CEP126: variants seen among roughly 807,000 people sequenced by gnomAD.
CEP126 encodes the protein centrosomal protein 126, also known as centrosomal protein of 126 kDa.
In CEP126, 74 loss-of-function variants were observed where a neutral mutation model predicts 107.8. The ratio of observed to expected loss-of-function variants is 0.69; its 90% CI spans 0.57 to 0.83. The LOEUF (loss-of-function observed/expected upper bound fraction) is 0.83. Ranked by LOEUF, CEP126 falls within the 40% of genes least tolerant of loss-of-function variation. CEP126 has a pLI of 0.00. For missense variants in CEP126, 1,237 were observed against 1,281.9 expected (o/e 0.96, Z 0.53); for synonymous variants, 449 against 446.0 (o/e 1.01, Z -0.08).
intron 2 of CEP126, among the ~76,000 whole-genome samples, chr11:101,937,901 C>T (rs775230382): frequency 2.6e-5 from 4 of 151,676 alleles, no homozygotes; most frequent in Admixed American, 6.6e-5. Flanking sequence ...CGCCTGTAAT[C>T]CCAGCACTTT....
intron 10 of CEP126, among the ~76,000 whole-genome samples, chr11:101,996,569 A>G (rs1479711147): frequency 6.6e-6 from 1 of 152,210 alleles, no homozygotes; most frequent in Non-Finnish European, 1.5e-5. Context: ...TGATAGAGGA[A>G]ACATAAAAAT....
In CEP126 at chr11:101,962,618, C is replaced by T; in HGVS notation, c.1583C>T (p.Pro528Leu). The stretch of plus-strand genomic sequence containing the variant: ...GACAGTTTTCAAGATGCCTATATAC[C>T]TCACAATCCTGATTCAAAAGATGAA... ...FSDSFQDAYI[P>L]HNPDSKDEKQ... Residue 528 changes from proline to leucine, a missense_variant, in exon 6 of 11, where the codon CCT becomes CTT. Around this residue, in one of 3 missense-constraint regions of CEP126, gnomAD observed 1,134 missense variants for 1,150.5 expected, o/e 0.99. Transcript: ENST00000263468. The T allele has an allele frequency of 6.2e-7, 1 of 1,613,294 alleles. No individual in the cohort carries two copies. Among genetic ancestry groups the T allele is most frequent in the South Asian group, 1.1e-5 (1 of 90,858 alleles).
Position 101,958,236 on chromosome 11 carries a change from C to A in CEP126, c.575C>A (p.Ser192Tyr). 6.2e-7 allele frequency: 1 copy of A among 1,613,918 alleles called. No homozygotes were observed. Among genetic ancestry groups the A allele is most frequent in the Non-Finnish European group, 8.5e-7 (1 of 1,179,916 alleles). The change falls in exon 5 of 11, where the codon TCC becomes TAC. Residue 192 changes from serine to tyrosine, a missense_variant. Transcript: ENST00000263468. ...NDHKHQKQLL[S>Y]KINCEKEMNE... ...CACAAGCATCAGAAACAACTCTTATCCAAAATCAATTGTGAGAAAGAAATG... is the reference window on the plus strand; with the variant it reads ...CACAAGCATCAGAAACAACTCTTATACAAAATCAATTGTGAGAAAGAAATG...
At chr11:101,942,553 G>A (rs114378112) in intron 2 of CEP126, among the ~76,000 whole-genome samples, 96 of 124,086 alleles carry the variant, frequency 7.7e-4, no homozygotes, top group African/African-American at 2.3e-3. Context: ...GAAACATTCC[G>A]TTTGGGGTGG....
intron 2 of CEP126, among the ~76,000 whole-genome samples, chr11:101,938,741 T>C (rs889455529): frequency 6.6e-6 from 1 of 152,146 alleles, no homozygotes; most frequent in African/African-American, 2.4e-5. Flanking sequence ...TTTAACTGCA[T>C]TTAACAAATT....
intron 6 of CEP126, among the ~76,000 whole-genome samples, chr11:101,977,646 A>AAAAAG (rs1565366927): frequency 2.7e-5 from 4 of 150,928 alleles, no homozygotes; most frequent in East Asian, 1.9e-4. Context: ...AAAAAAAAAA[A>AAAAAG]AAAAGAAAAG....
chr11:101,983,554 A>C (rs1230132400), intron 8 of CEP126, among the ~76,000 whole-genome samples: 1 of 152,212 alleles, frequency 6.6e-6, no homozygotes, highest in East Asian at 1.9e-4. Context: ...TGGTTATAGA[A>C]ATTTAAGACA....
intron 2 of CEP126, among the ~76,000 whole-genome samples, chr11:101,929,972 G>A (rs1019774616): frequency 2.7e-4 from 35 of 127,756 alleles, no homozygotes; most frequent in South Asian, 5.9e-4. Context: ...CTTTAGTTAG[G>A]ACTTTTTTTT....
At chr11:101,927,606 A>G (rs537934381) in intron 2 of CEP126, among the ~76,000 whole-genome samples, 73 of 152,216 alleles carry the variant, frequency 4.8e-4, no homozygotes, top group African/African-American at 1.5e-3. Context: ...GATGTTCTCC[A>G]TTTCTACAGT....
rs1941462128 is a variant in CEP126, at chr11:101,997,963, C to T, written c.*320C>T. The T allele has an allele frequency of 4.0e-6, 1 of 247,360 alleles. No individual in the cohort carries two copies. The allele number at this position is 247,360 out of a possible 1,614,324, so 15.3% of individuals were successfully genotyped here. On this transcript the variant is annotated 3_prime_UTR_variant, in exon 11 of 11. Transcript: ENST00000263468. ...AACAAACGTTTTTCCAAAGAATTCACAGTGCTCCTTTGCAATTTATAGATT... is the reference window on the plus strand; with the variant it reads ...AACAAACGTTTTTCCAAAGAATTCATAGTGCTCCTTTGCAATTTATAGATT...
At position 101,962,023 on chromosome 11, in the gene CEP126, A is replaced by G. The variant is rs140703112; in HGVS notation, c.988A>G (p.Ile330Val). The G allele has an allele frequency of 5.6e-6, 9 of 1,613,092 alleles. No individual in the cohort carries two copies. In the African/African-American group the frequency reaches 8.0e-5, roughly 14 times the overall value. Residue 330 changes from isoleucine to valine, a missense_variant, in exon 6 of 11, where the codon ATT becomes GTT. Ile to Val is a conservative substitution (Grantham distance 29). Coordinates refer to ENST00000263468, the MANE Select transcript of CEP126 (RefSeq NM_020802.4). ...TCAGAATGTCACAGCTTTCTCAGAT[A>G]TTTTAAGTAAATCTAATGTTCTGCC... ...NTQNVTAFSD[I>V]LSKSNVLPSW...
At chr11:101,968,181 G>C (rs1286463695) in intron 6 of CEP126, among the ~76,000 whole-genome samples, 1 of 152,066 alleles carries the variant, frequency 6.6e-6, no homozygotes, top group Non-Finnish European at 1.5e-5. Context: ...ATTAGACTTA[G>C]AGCAATGATC....
rs1713693047 is a variant in CEP126 at position 101,999,542 on chromosome 11, T to A, written c.*1899T>A. On this transcript the variant is annotated 3_prime_UTR_variant, in exon 11 of 11. Transcript: ENST00000263468. ...GTAAGCTGGTGAAACAAGATAAGAT[T>A]TGCATTTTACTAGAACTTGCACATT... is the stretch of plus-strand genomic sequence containing the variant. 6.6e-6 allele frequency: 1 copy of A among 151,386 alleles called. No homozygotes were observed. Among genetic ancestry groups the A allele is most frequent in the Non-Finnish European group, 1.5e-5 (1 of 67,944 alleles). The allele number at this position is 151,386 out of a possible 1,614,324, so 9.4% of individuals were successfully genotyped here.
intron 2 of CEP126, among the ~76,000 whole-genome samples, chr11:101,937,844 A>G (rs903195858): frequency 6.6e-6 from 1 of 152,068 alleles, no homozygotes; most frequent in Admixed American, 6.6e-5. Flanking sequence ...TTTGGAAAGT[A>G]GTTTCTTTTA....
At chr11:101,976,760 A>G (rs1244970216) in intron 6 of CEP126, among the ~76,000 whole-genome samples, 2 of 152,192 alleles carry the variant, frequency 1.3e-5, no homozygotes, top group African/African-American at 4.8e-5. Flanking sequence ...TTTTTTAAGC[A>G]GGCTCAGAAG....
chr11:101,947,095 A>G (rs1472552675), intron 3 of CEP126, among the ~76,000 whole-genome samples: 3 of 152,160 alleles, frequency 2.0e-5, no homozygotes, highest in Non-Finnish European at 4.4e-5. Flanking sequence ...CCCTTACATA[A>G]TAACATCCTA....
intron 10 of CEP126, among the ~76,000 whole-genome samples, chr11:101,993,648 TA>T (rs1941410800): frequency 6.6e-6 from 1 of 152,236 alleles, no homozygotes; most frequent in Non-Finnish European, 1.5e-5. Context: ...CCACAATGAC[TA>T]AATTAATTTG....
intron 4 of CEP126, among the ~76,000 whole-genome samples, chr11:101,950,814 T>C (rs912921959): frequency 6.6e-6 from 1 of 152,178 alleles, no homozygotes; most frequent in Non-Finnish European, 1.5e-5. Context: ...TGTGATCAGA[T>C]GTAAAATGTT....
rs1941016526 is a variant in CEP126, at chr11:101,963,602, A to C, written c.2567A>C (p.Glu856Ala). The C allele has an allele frequency of 1.9e-6, 3 of 1,614,182 alleles. No homozygotes were observed. The East Asian group carries it at 6.7e-5, about 36-fold the overall frequency. The change falls in exon 6 of 11, where the codon GAA (glutamate) becomes GCA (alanine). Residue 856 changes from glutamate to alanine, a missense_variant. Physicochemically the swap from Glu to Ala is moderately radical, Grantham distance 107. Transcript: ENST00000263468. ...TEHSLNQWNQ[E>A]SSSPLSNACS... ...CACAGTTTGAATCAGTGGAATCAGG[A>C]AAGTAGTTCTCCACTCTCAAATGCT...
Sources: gnomAD v4.1 joint callset for allele counts (sites outside exome capture counted in the v4.1 genomes callset) on GRCh38, gnomAD v4.1.1 for gene constraint, gnomAD v4.1.1 regional missense constraint, MANE v1.5 for transcripts, NCBI Gene and HGNC (gene_info 2026-07-23, HGNC 2026-07-21) for gene names.